The following MS4A3 variants were observed in gnomAD, a reference collection of about 807,000 sequenced individuals.
MS4A3 encodes membrane-spanning 4-domains subfamily A member 3.
Under a neutral mutation model 24.7 loss-of-function variants are expected in MS4A3, and 18 were observed. The ratio of observed to expected loss-of-function variants is 0.73; its 90% CI spans 0.50 to 1.08. The LOEUF (loss-of-function observed/expected upper bound fraction) is 1.08, where lower values mean the gene tolerates loss of function less well. MS4A3 is among the 50% of genes least tolerant of loss of function. The pLI is 0.00. For synonymous variants in MS4A3, 84 were observed against 95.3 expected (o/e 0.88, Z 0.69); for missense variants, 282 against 251.7 (o/e 1.12, Z -0.82).
chr11:60,069,740 G>A (rs1193102453), intron 6 of MS4A3, 65 bp downstream of exon 6: 1 of 1,180,054 alleles, frequency 8.5e-7, no homozygotes, highest in Admixed American at 1.7e-5. Context: ...GTTTGAAGTT[G>A]TTTCTGATGC....
At chr11:60,066,850 T>A in intron 4 of MS4A3, 101 bp from the exon 5 acceptor site, 1 of 902,868 alleles carries the variant, frequency 1.1e-6, no homozygotes, top group South Asian at 2.1e-5. Flanking sequence ...TATCAGTGGG[T>A]GTGTAAACAA....
intron 1 of MS4A3, among the ~76,000 whole-genome samples, chr11:60,060,637 A>G (rs1009657342): frequency 2.0e-5 from 3 of 152,026 alleles, no homozygotes; most frequent in Non-Finnish European, 4.4e-5. Flanking sequence ...CTATACCTCA[A>G]TTTTTTTCAT....
At chr11:60,061,490 T>C in intron 2 of MS4A3, 174 bp downstream of exon 2, 1 of 751,494 alleles carries the variant, frequency 1.3e-6, no homozygotes, top group Non-Finnish European at 2.3e-6. Context: ...TCTTCCTCAG[T>C]CTATTCAACG....
chr11:60,067,212 C>CTT (rs35764500), intron 5 of MS4A3, 100 bp downstream of exon 5: 16,595 of 541,206 alleles, frequency 0.031, 22 homozygotes, highest in East Asian at 0.074. Context: ...TAATTTGAAT[C>CTT]TTTTTTTTTT....
rs58722616 is a variant in MS4A3 at position 60,058,506 on chromosome 11, CAAAAAAAAAAAAAAAAAAAAAA to C, written c.-16+1781_-16+1802del. Among the ~76,000 whole-genome samples the C allele has an allele frequency of 1.7e-4, 3 of 17,870 alleles. No individual in the cohort carries two copies. In the South Asian group the frequency reaches 0.017, roughly 100 times the overall value. 11.7% of individuals were successfully genotyped at this position (17,870 alleles called of 152,430 possible). On this transcript the variant is annotated intron_variant, in intron 1 of 6. Transcript: ENST00000278865. ...TGGGAGACAGAGCAAAGCTCCAACT[CAAAAAAAAAAAAAAAAAAAAAA>C]AAAAAAAAAAAAAATTCAGTCTGGA...
intron 5 of MS4A3, among the ~76,000 whole-genome samples, chr11:60,068,093 C>T (rs1007511748): frequency 6.6e-6 from 1 of 151,966 alleles, no homozygotes; most frequent in African/African-American, 2.4e-5. Flanking sequence ...TTTCATATCT[C>T]CTTGCTTAAT....
Position 60,070,389 on chromosome 11 carries a change from T to C in MS4A3, c.*156T>C, listed in dbSNP as rs1327611131. ...ATCACAAGAACCTTGGACGTTTGAC[T>C]GACTCTATCCTTTCTCTCCTAACTA... is the stretch of plus-strand genomic sequence containing the variant. On this transcript the variant is annotated 3_prime_UTR_variant, in exon 7 of 7. Transcript: ENST00000278865. 1 of 608,268 alleles carries C rather than the reference T, an allele frequency of 1.6e-6. No individual in the cohort carries two copies. Among genetic ancestry groups the C allele is most frequent in the Non-Finnish European group, 2.9e-6 (1 of 346,884 alleles). 37.7% of individuals were successfully genotyped at this position (608,268 alleles called of 1,614,324 possible).
At chr11:60,062,378 A>T in intron 2 of MS4A3, 90 bp from the exon 3 acceptor site, 1 of 1,494,722 alleles carries the variant, frequency 6.7e-7, no homozygotes. Context: ...AAGCACCGAC[A>T]TCTCCTTTCT....
chr11:60,064,459 T>G, intron 4 of MS4A3, 141 bp downstream of exon 4: 1 of 406,736 alleles, frequency 2.5e-6, no homozygotes, highest in Non-Finnish European at 4.1e-6. Flanking sequence ...CTTAACGTGT[T>G]CAGATGGTAG....
chr11:60,068,538 C>G (rs1855414880), intron 5 of MS4A3, among the ~76,000 whole-genome samples: 1 of 151,878 alleles, frequency 6.6e-6, no homozygotes, highest in Non-Finnish European at 1.5e-5. Flanking sequence ...AGGCATGAGC[C>G]ACCGCGCCCA....
Position 60,069,784 on chromosome 11 carries a change from G to A in MS4A3, c.615+109G>A, listed in dbSNP as rs1262728725. 4 of 832,856 alleles carry A rather than the reference G, an allele frequency of 4.8e-6. No homozygotes were observed. In the Admixed American group the frequency reaches 8.1e-5, roughly 17 times the overall value. 51.6% of individuals were successfully genotyped at this position (832,856 alleles called of 1,614,324 possible). ...AAACCTTTATGTGGTAATGATTTGT[G>A]GAGTTCCTGGAATTAGAGATTGTAT... is the stretch of plus-strand genomic sequence containing the variant. On this transcript the variant is annotated intron_variant, in intron 6 of 6. Transcript: ENST00000278865.
chr11:60,070,386 G>T lies in MS4A3; in HGVS notation c.*153G>T. On this transcript the variant is annotated 3_prime_UTR_variant, in exon 7 of 7. Coordinates refer to ENST00000278865, the MANE Select transcript of MS4A3 (RefSeq NM_006138.5). ...CCAATCACAAGAACCTTGGACGTTT[G>T]ACTGACTCTATCCTTTCTCTCCTAA... 1.6e-6 allele frequency: 1 copy of T among 613,452 alleles called. No homozygotes were observed. The allele number at this position is 613,452 out of a possible 1,614,324, so 38.0% of individuals were successfully genotyped here.
intron 5 of MS4A3, among the ~76,000 whole-genome samples, chr11:60,068,820 A>G (rs1054052823): frequency 6.6e-5 from 10 of 152,004 alleles, no homozygotes; most frequent in Admixed American, 6.6e-4. Flanking sequence ...TGTCATTTAC[A>G]TTAGGTATTT....
intron 4 of MS4A3, among the ~76,000 whole-genome samples, chr11:60,065,214 C>CTTT (rs143084907): frequency 7.8e-6 from 1 of 128,136 alleles, no homozygotes; most frequent in African/African-American, 2.9e-5. Flanking sequence ...TAATTTTTGT[C>CTTT]TTTTTTTTTT....
intron 4 of MS4A3, among the ~76,000 whole-genome samples, chr11:60,065,239 A>T: frequency 7.1e-6 from 1 of 140,406 alleles, no homozygotes; most frequent in Non-Finnish European, 1.5e-5. Context: ...TTTTGTAGAG[A>T]CAGGATCTTG....
chr11:60,069,114 C>T (rs1855430705), intron 5 of MS4A3, among the ~76,000 whole-genome samples: 1 of 152,054 alleles, frequency 6.6e-6, no homozygotes, highest in Admixed American at 6.5e-5. Flanking sequence ...ATCATTAGCC[C>T]AACAATTTTA....
At position 60,069,618 on chromosome 11, in the gene MS4A3, C is replaced by G. The variant is rs778541342; in HGVS notation, c.558C>G (p.Cys186Trp). 1 of 1,613,452 alleles carries G rather than the reference C, an allele frequency of 6.2e-7. No individual in the cohort carries two copies. The highest frequency in any genetic ancestry group is 1.7e-5 in the Admixed American group (1 of 60,014). The stretch of plus-strand genomic sequence containing the variant: ...TGATTCTCACCTTGCTGGAATTATG[C>G]GTAACCATCTCTACCATAGCCATGT... ...LLLILTLLEL[C>W]VTISTIAMWC... The change falls in exon 6 of 7, where the codon TGC becomes TGG. Residue 186 changes from cysteine (C) to tryptophan (W), a missense_variant. By Grantham distance (215) the Cys-to-Trp change is radical. Transcript: ENST00000278865.
chr11:60,064,396 CA>C, intron 4 of MS4A3, 78 bp downstream of exon 4: 1 of 1,080,880 alleles, frequency 9.3e-7, no homozygotes, highest in Non-Finnish European at 1.4e-6. Flanking sequence ...AGTAAGTGTC[CA>C]TGAATACAAC....
intron 2 of MS4A3, among the ~76,000 whole-genome samples, chr11:60,061,811 C>A (rs1855281019): frequency 6.6e-6 from 1 of 152,100 alleles, no homozygotes; most frequent in African/African-American, 2.4e-5. Context: ...GAAAACCTTG[C>A]TTATGCTGAG....
Sources: gnomAD v4.1 joint callset for allele counts (sites outside exome capture counted in the v4.1 genomes callset) on GRCh38, gnomAD v4.1.1 for gene constraint, MANE v1.5 for transcripts, NCBI Gene and HGNC (gene_info 2026-07-23, HGNC 2026-07-21) for gene names.